CBFA2T2: variants seen among roughly 807,000 people sequenced by gnomAD.
CBFA2T2 encodes the protein CBFA2/RUNX1 partner transcriptional co-repressor 2, also known as protein CBFA2T2.
Under a neutral mutation model 62.2 loss-of-function variants are expected in CBFA2T2, and 11 were observed. The ratio of observed to expected loss-of-function variants is 0.18; its 90% confidence interval spans 0.11 to 0.29. CBFA2T2 has a LOEUF of 0.29. Ranked by LOEUF, CBFA2T2 falls within the 10% of genes least tolerant of loss-of-function variation. The probability of loss-of-function intolerance (pLI) is 1.00; values close to 1 mark genes in which losing one functional copy is unlikely to be tolerated. For missense variants in CBFA2T2, 592 were observed against 774.1 expected (o/e 0.76, Z 2.79); for synonymous variants, 295 against 287.5 (o/e 1.03, Z -0.27).
intron 1 of CBFA2T2, among the ~76,000 whole-genome samples, chr20:33,565,222 A>G (rs2013258826): frequency 6.6e-6 from 1 of 152,128 alleles, no homozygotes; most frequent in South Asian, 2.1e-4. Context: ...CCCGGCTCCA[A>G]GTTTTCTTTT....
At chr20:33,628,147 G>A (rs2016313921) in intron 6 of CBFA2T2, among the ~76,000 whole-genome samples, 1 of 152,080 alleles carries the variant, frequency 6.6e-6, no homozygotes, top group Non-Finnish European at 1.5e-5. Context: ...TTTTACAATT[G>A]ATTTGTTGGA....
intron 1 of CBFA2T2, among the ~76,000 whole-genome samples, chr20:33,505,394 T>C (rs1319149372): frequency 6.6e-6 from 1 of 152,216 alleles, no homozygotes; most frequent in Admixed American, 6.5e-5. Flanking sequence ...ACACTGTATG[T>C]TACCTCATGA....
intron 1 of CBFA2T2, among the ~76,000 whole-genome samples, chr20:33,536,433 C>T (rs1180830691): frequency 1.4e-5 from 2 of 147,446 alleles, no homozygotes; most frequent in Admixed American, 6.7e-5. Flanking sequence ...GGGGCTGACC[C>T]CCCCACCTCC....
At chr20:33,586,378 C>T (rs753729875) in intron 1 of CBFA2T2, among the ~76,000 whole-genome samples, 5 of 152,084 alleles carry the variant, frequency 3.3e-5, no homozygotes, top group Non-Finnish European at 5.9e-5. Flanking sequence ...TCATGATCCG[C>T]TCGCCTCAGC....
At chr20:33,509,979 C>T (rs553757832) in intron 1 of CBFA2T2, among the ~76,000 whole-genome samples, 5 of 152,058 alleles carry the variant, frequency 3.3e-5, no homozygotes, top group African/African-American at 1.2e-4. Flanking sequence ...CTGCCCCCCA[C>T]CCCACCACAG....
chr20:33,585,548 T>C (rs2014327982), intron 1 of CBFA2T2, among the ~76,000 whole-genome samples: 2 of 152,204 alleles, frequency 1.3e-5, no homozygotes, highest in South Asian at 4.1e-4. Context: ...AACCATTCTC[T>C]TGTGGTATAA....
intron 9 of CBFA2T2, chr20:33,639,557 G>C (rs1322571462): frequency 6.6e-6 from 1 of 151,578 alleles, no homozygotes; most frequent in Non-Finnish European, 1.5e-5. Flanking sequence ...CTGGGCAACA[G>C]AGCGGGACTC....
intron 1 of CBFA2T2, among the ~76,000 whole-genome samples, chr20:33,492,317 C>T (rs2011152931): frequency 6.6e-6 from 1 of 151,662 alleles, no homozygotes; most frequent in South Asian, 2.1e-4. Flanking sequence ...CCAAGCCTGA[C>T]CAGAAAGGAC....
At position 33,638,513 on chromosome 20, in the gene CBFA2T2, T is replaced by C. The variant is rs2016709563; in HGVS notation, c.1297+1805T>C. 3.9e-5 allele frequency among the ~76,000 whole-genome samples: 6 copies of C among 152,306 alleles called. No individual in the cohort carries two copies. The South Asian group carries it at 1.2e-3, about 32-fold the overall frequency. On this transcript the variant is annotated intron_variant, in intron 9 of 10. Transcript: ENST00000342704. ...AATGTACCTAAGAGCATTGTTACAC[T>C]GGCTCAATAAGAGGCATCTGATAAG...
intron 1 of CBFA2T2, among the ~76,000 whole-genome samples, chr20:33,572,250 A>G (rs1033320478): frequency 2.6e-5 from 4 of 152,220 alleles, no homozygotes; most frequent in African/African-American, 9.7e-5. Context: ...TTATAAGTAA[A>G]CATCCTAACT....
At chr20:33,547,038 T>C (rs1238951947) in intron 1 of CBFA2T2, among the ~76,000 whole-genome samples, 1 of 151,682 alleles carries the variant, frequency 6.6e-6, no homozygotes, top group African/African-American at 2.4e-5. Flanking sequence ...CCAACTCTAC[T>C]AAAAATACAA....
chr20:33,530,577 C>T (rs1414283138), intron 1 of CBFA2T2, among the ~76,000 whole-genome samples: 5 of 151,970 alleles, frequency 3.3e-5, no homozygotes, highest in African/African-American at 4.8e-5. Context: ...GCAGCCACAC[C>T]AGCTAATTTT....
rs954818921 is a variant in CBFA2T2, at chr20:33,508,640, C to T, written c.34+18339C>T. Among the ~76,000 whole-genome samples, 3 of 152,146 alleles carry T rather than the reference C, an allele frequency of 2.0e-5. No individual in the cohort carries two copies. The East Asian group carries it at 5.8e-4, about 29-fold the overall frequency. Reference sequence around the variant, plus strand: ...CCCCTCTTATATGTCTATGTGTTCTCATCATTTAGCTCCCACTTGTAAGTG... The same window carrying T: ...CCCCTCTTATATGTCTATGTGTTCTTATCATTTAGCTCCCACTTGTAAGTG... On this transcript the variant is annotated intron_variant, in intron 1 of 10. Coordinates refer to ENST00000342704, the MANE Select transcript of CBFA2T2 (RefSeq NM_001032999.3).
intron 1 of CBFA2T2, among the ~76,000 whole-genome samples, chr20:33,550,093 ATAACT>A (rs895985410): frequency 3.3e-5 from 5 of 152,164 alleles, no homozygotes; most frequent in African/African-American, 1.2e-4. Context: ...ATAGATTTTA[ATAACT>A]TAACAAATGT....
intron 1 of CBFA2T2, among the ~76,000 whole-genome samples, chr20:33,527,892 T>A (rs983133693): frequency 1.3e-5 from 2 of 152,084 alleles, no homozygotes; most frequent in African/African-American, 4.8e-5. Flanking sequence ...TTTTCTTTGC[T>A]GTATTATTAT....
At chr20:33,586,681 C>T (rs2014385167) in intron 1 of CBFA2T2, among the ~76,000 whole-genome samples, 1 of 152,114 alleles carries the variant, frequency 6.6e-6, no homozygotes, top group East Asian at 1.9e-4. Context: ...TTGGTTAAAG[C>T]ATAAAGGGCC....
intron 8 of CBFA2T2, 98 bp from the exon 9 acceptor site, chr20:33,636,542 A>G: frequency 1.2e-6 from 1 of 823,314 alleles, no homozygotes; most frequent in Admixed American, 2.3e-5. Flanking sequence ...AATGAAATAT[A>G]TGTTTGAGTC....
rs137887814 is a variant in CBFA2T2, at chr20:33,613,064, C to T, written c.420+1729C>T. Among the ~76,000 whole-genome samples, 33 of 152,276 alleles carry T rather than the reference C, an allele frequency of 2.2e-4. No individual in the cohort carries two copies. In the East Asian group the frequency reaches 6.2e-3, roughly 28 times the overall value. ...TTCCAGCCTAGGTGACAGAGTGAGA[C>T]CCTATCTCAAAACATAAATTTAAAA... On this transcript the variant is annotated intron_variant, in intron 3 of 10. Coordinates refer to ENST00000342704, the MANE Select transcript of CBFA2T2 (RefSeq NM_001032999.3).
chr20:33,503,203 C>T (rs552711519), intron 1 of CBFA2T2, among the ~76,000 whole-genome samples: 49 of 149,106 alleles, frequency 3.3e-4, no homozygotes, highest in Middle Eastern at 3.6e-3. Context: ...TATACACACA[C>T]ATACATATAC....
Sources: gnomAD v4.1 joint callset for allele counts (sites outside exome capture counted in the v4.1 genomes callset) on GRCh38, gnomAD v4.1.1 for gene constraint, MANE v1.5 for transcripts, NCBI Gene and HGNC (gene_info 2026-07-23, HGNC 2026-07-21) for gene names.